IQCM: variants seen among roughly 807,000 people sequenced by gnomAD.
IQCM encodes IQ domain-containing protein M.
In IQCM, 45 loss-of-function variants were observed where a neutral mutation model predicts 57.6. That is an observed-to-expected ratio of 0.78 (90% CI 0.62 to 1.00). IQCM has a LOEUF of 1.00. Among genes scored for constraint, IQCM ranks in the 50% least tolerant of loss-of-function variants. The pLI is 0.00. For missense variants in IQCM, 468 were observed against 511.6 expected, an observed-to-expected ratio of 0.91 and a Z score of 0.82; for synonymous variants, 148 against 158.9, an observed-to-expected ratio of 0.93 and a Z score of 0.51.
chr4:149,638,110 A>T (rs1757876931), intron 7 of IQCM, among the ~76,000 whole-genome samples: 1 of 152,240 alleles, frequency 6.6e-6, no homozygotes, highest in Non-Finnish European at 1.5e-5. Flanking sequence ...CTCGATTTTT[A>T]AAATGGGCAA....
At chr4:149,432,978 T>G (rs1735008815) in intron 13 of IQCM, among the ~76,000 whole-genome samples, 1 of 152,048 alleles carries the variant, frequency 6.6e-6, no homozygotes, top group South Asian at 2.1e-4. Context: ...GTACCAACTG[T>G]TGATAGAGCT....
chr4:149,595,904 G>A (rs184907738), intron 8 of IQCM, among the ~76,000 whole-genome samples: 2 of 152,214 alleles, frequency 1.3e-5, no homozygotes, highest in East Asian at 3.9e-4. Flanking sequence ...CTTTACAGAG[G>A]TGAAGGTATC....
intron 2 of IQCM, among the ~76,000 whole-genome samples, chr4:149,769,568 A>C (rs947371379): frequency 6.6e-6 from 1 of 151,948 alleles, no homozygotes; most frequent in African/African-American, 2.4e-5. Flanking sequence ...AAAAAAAAAA[A>C]GTTTAAAAGT....
chr4:149,502,018 T>C (rs1211177262), intron 12 of IQCM, among the ~76,000 whole-genome samples: 1 of 152,180 alleles, frequency 6.6e-6, no homozygotes, highest in Non-Finnish European at 1.5e-5. Flanking sequence ...CTTAGGCTCA[T>C]ACACCACTGG....
chr4:149,701,133 T>G (rs1382686706), intron 5 of IQCM, among the ~76,000 whole-genome samples: 1 of 151,988 alleles, frequency 6.6e-6, no homozygotes, highest in Non-Finnish European at 1.5e-5. Flanking sequence ...ACATAGGCCC[T>G]CAATAATATT....
At chr4:149,710,931 A>G (rs954888043) in intron 5 of IQCM, 5 of 152,112 alleles carry the variant, frequency 3.3e-5, no homozygotes, top group African/African-American at 1.2e-4. Context: ...ACTCTCCGGC[A>G]TTTTTTGTCT....
intron 13 of IQCM, among the ~76,000 whole-genome samples, chr4:149,425,340 C>T (rs1734392202): frequency 6.6e-6 from 1 of 151,932 alleles, no homozygotes; most frequent in Non-Finnish European, 1.5e-5. Context: ...CCAAGAAGTC[C>T]CACAGTCTGC....
At chr4:149,632,416 T>A (rs775060785) in intron 7 of IQCM, among the ~76,000 whole-genome samples, 1 of 152,192 alleles carries the variant, frequency 6.6e-6, no homozygotes, top group Non-Finnish European at 1.5e-5. Flanking sequence ...CTGAGCAAAT[T>A]CAATGAGCTA....
At chr4:149,791,054 T>C (rs1360105219) in intron 2 of IQCM, among the ~76,000 whole-genome samples, 5 of 152,128 alleles carry the variant, frequency 3.3e-5, no homozygotes, top group Admixed American at 1.3e-4. Context: ...GCAAAGTTTA[T>C]AGATAATCAG....
intron 2 of IQCM, among the ~76,000 whole-genome samples, chr4:149,752,200 G>T (rs1389439045): frequency 6.6e-6 from 1 of 152,022 alleles, no homozygotes; most frequent in Non-Finnish European, 1.5e-5. Flanking sequence ...AAAAATCCCT[G>T]GGAGGAATAA....
chr4:149,519,326 A>T (rs757660842), intron 12 of IQCM, among the ~76,000 whole-genome samples: 12 of 152,202 alleles, frequency 7.9e-5, no homozygotes, highest in Non-Finnish European at 1.2e-4. Context: ...CCATACCCTT[A>T]AAAGTGCTTT....
At chr4:149,459,433 T>C (rs538451474) in intron 12 of IQCM, among the ~76,000 whole-genome samples, 1 of 152,360 alleles carries the variant, frequency 6.6e-6, no homozygotes, top group African/African-American at 2.4e-5. Context: ...CCAATGTTTT[T>C]ATTGTAGTAG....
At chr4:149,554,706 CTTT>C (rs35580641) in intron 10 of IQCM, among the ~76,000 whole-genome samples, 1 of 143,012 alleles carries the variant, frequency 7.0e-6, no homozygotes. Flanking sequence ...TCTTTTCTTT[CTTT>C]TTTTTTTTGA....
intron 5 of IQCM, among the ~76,000 whole-genome samples, chr4:149,713,215 C>T (rs1298597549): frequency 1.3e-5 from 2 of 152,094 alleles, no homozygotes; most frequent in African/African-American, 2.4e-5. Flanking sequence ...CGCTGGACCC[C>T]CTACCAGGCC....
chr4:149,481,704 T>TTTTTTTTTTGTTTTTTG (rs1553975393), intron 12 of IQCM, among the ~76,000 whole-genome samples: 42 of 134,700 alleles, frequency 3.1e-4, no homozygotes, highest in East Asian at 6.5e-4. Flanking sequence ...CAGTTTTGTT[T>TTTTTTTTTTGTTTTTTG]TTTTTTTTTT....
intron 12 of IQCM, among the ~76,000 whole-genome samples, chr4:149,438,212 T>TA (rs376065362): frequency 6.0e-5 from 9 of 149,314 alleles, no homozygotes; most frequent in African/African-American, 1.2e-4. Context: ...CTGCAAGGTT[T>TA]AAAAAAAAAA....
chr4:149,661,867 A>G (rs545767801), intron 7 of IQCM, among the ~76,000 whole-genome samples: 28 of 152,002 alleles, frequency 1.8e-4, no homozygotes, highest in African/African-American at 6.7e-4. Flanking sequence ...TGATTTGTCA[A>G]TATTGGTTAT....
At chr4:149,753,294 ACT>A (rs2149941320) in intron 2 of IQCM, among the ~76,000 whole-genome samples, 1 of 152,216 alleles carries the variant, frequency 6.6e-6, no homozygotes, top group African/African-American at 2.4e-5. Context: ...GTAGGTTAAG[ACT>A]CTACCAAGAG....
At chr4:149,389,034 T>A (rs905120262) in intron 13 of IQCM, among the ~76,000 whole-genome samples, 2 of 151,838 alleles carry the variant, frequency 1.3e-5, no homozygotes, top group African/African-American at 4.8e-5. Flanking sequence ...TGTGCTTTTT[T>A]TGTCTCATAG....
Sources: allele counts gnomAD v4.1 joint callset (sites outside exome capture counted in the v4.1 genomes callset), GRCh38; gene constraint gnomAD v4.1.1; transcripts MANE v1.5; gene names NCBI Gene and HGNC (gene_info 2026-07-23, HGNC 2026-07-21).